ESRP1: variants seen among roughly 807,000 people sequenced by gnomAD.
The protein encoded by ESRP1 is epithelial splicing regulatory protein 1, also known as RNA-binding motif protein 35A.
Under a neutral mutation model 81.7 loss-of-function variants are expected in ESRP1, and 33 were observed. The ratio of observed to expected loss-of-function variants is 0.40; its 90% CI spans 0.31 to 0.54. The LOEUF is 0.54. Ranked by LOEUF, ESRP1 falls within the 20% of genes least tolerant of loss-of-function variation. The probability of loss-of-function intolerance (pLI) is 0.41; values close to 1 mark genes in which losing one functional copy is unlikely to be tolerated. For synonymous variants in ESRP1, 320 were observed against 303.3 expected, an observed-to-expected ratio of 1.06 and a Z score of -0.57; for missense variants, 672 against 833.1, an observed-to-expected ratio of 0.81 and a Z score of 2.38.
chr8:94,685,620 G>A (rs549265869), intron 13 of ESRP1, among the ~76,000 whole-genome samples: 4 of 151,954 alleles, frequency 2.6e-5, no homozygotes, highest in Non-Finnish European at 5.9e-5. Flanking sequence ...TGGCCAACGT[G>A]GCAAAACTCC....
At chr8:94,680,430 A>G (rs1448320895) in intron 13 of ESRP1, among the ~76,000 whole-genome samples, 1 of 152,106 alleles carries the variant, frequency 6.6e-6, no homozygotes, top group Admixed American at 6.6e-5. Flanking sequence ...GAAAAACATT[A>G]ATTTCTTTTT....
chr8:94,701,144 G>A, intron 15 of ESRP1, among the ~76,000 whole-genome samples: 1 of 151,792 alleles, frequency 6.6e-6, no homozygotes. Flanking sequence ...GTGTGGTGGT[G>A]TGTGCCTATA....
At chr8:94,701,849 A>G (rs929124699) in intron 15 of ESRP1, among the ~76,000 whole-genome samples, 2 of 152,198 alleles carry the variant, frequency 1.3e-5, no homozygotes, top group African/African-American at 2.4e-5. Context: ...ATGCCTGTGC[A>G]TGGAAGATTG....
chr8:94,705,156 CTTTTTTTTT>C (rs57801249), intron 15 of ESRP1, among the ~76,000 whole-genome samples: 42 of 90,524 alleles, frequency 4.6e-4, no homozygotes, highest in African/African-American at 5.7e-4. Flanking sequence ...TGCCTTATTG[CTTTTTTTTT>C]TTTTTTTTTT....
intron 14 of ESRP1, among the ~76,000 whole-genome samples, chr8:94,694,662 G>A (rs561427807): frequency 8.7e-4 from 132 of 152,234 alleles, no homozygotes; most frequent in South Asian, 1.5e-3. Flanking sequence ...CCATGCAATC[G>A]GGATTATTTC....
At chr8:94,675,009 GCAAAAACAAAAAA>G (rs1022456254) in intron 12 of ESRP1, among the ~76,000 whole-genome samples, 2 of 152,034 alleles carry the variant, frequency 1.3e-5, no homozygotes, top group African/African-American at 4.8e-5. Flanking sequence ...GAGCAAGTGA[GCAAAAACAAAAAA>G]CAAAAACAAA....
chr8:94,687,193 A>G (rs1268491927), intron 13 of ESRP1, among the ~76,000 whole-genome samples: 1 of 152,090 alleles, frequency 6.6e-6, no homozygotes, highest in Non-Finnish European at 1.5e-5. Context: ...CTAAACAACT[A>G]TCAATCCATT....
intron 4 of ESRP1, among the ~76,000 whole-genome samples, chr8:94,661,127 AC>A (rs1449326110): frequency 6.6e-6 from 1 of 151,884 alleles, no homozygotes; most frequent in Non-Finnish European, 1.5e-5. Context: ...TACAACCTCC[AC>A]CTCCCGGGTT....
At chr8:94,646,046 C>T in intron 3 of ESRP1, 122 bp from the exon 4 acceptor site, 1 of 500,958 alleles carries the variant, frequency 2.0e-6, no homozygotes, top group East Asian at 3.4e-5. Flanking sequence ...TCTACTTTTA[C>T]ATTAAATTTT....
chr8:94,694,764 CCATT>C (rs1216140202), intron 14 of ESRP1, among the ~76,000 whole-genome samples: 2 of 152,166 alleles, frequency 1.3e-5, no homozygotes, highest in African/African-American at 4.8e-5. Flanking sequence ...CTTCTTAGAA[CCATT>C]CAAGGTTGGA....
chr8:94,695,259 G>C (rs897610923), intron 14 of ESRP1, among the ~76,000 whole-genome samples: 10 of 147,098 alleles, frequency 6.8e-5, no homozygotes, highest in South Asian at 2.2e-4. Flanking sequence ...TTTACTTCTA[G>C]TTATTTTATA....
chr8:94,696,790 ATAT>A, intron 14 of ESRP1, 59 bp from the exon 15 acceptor site: 2 of 1,293,920 alleles, frequency 1.5e-6, no homozygotes, highest in Non-Finnish European at 2.1e-6. Flanking sequence ...TTTAGCTGAA[ATAT>A]TATCCATAGT....
At chr8:94,699,396 C>T (rs1174636649) in intron 15 of ESRP1, among the ~76,000 whole-genome samples, 3 of 152,058 alleles carry the variant, frequency 2.0e-5, no homozygotes, top group Non-Finnish European at 4.4e-5. Context: ...ATCACAGCAC[C>T]TGGGGAGACT....
At chr8:94,641,775 CGGGTGGG>C in intron 1 of ESRP1, 174 bp from the exon 2 acceptor site, 1 of 752,114 alleles carries the variant, frequency 1.3e-6, no homozygotes. Context: ...TCCGACCTAT[CGGGTGGG>C]GGGTGGGGCG....
At chr8:94,647,547 G>T (rs569736925) in intron 4 of ESRP1, among the ~76,000 whole-genome samples, 3 of 152,206 alleles carry the variant, frequency 2.0e-5, no homozygotes, top group South Asian at 4.2e-4. Flanking sequence ...CACCTTTTCT[G>T]GGGGGATAGC....
intron 15 of ESRP1, among the ~76,000 whole-genome samples, chr8:94,703,002 A>G (rs1426265477): frequency 6.6e-6 from 1 of 152,002 alleles, no homozygotes; most frequent in Non-Finnish European, 1.5e-5. Flanking sequence ...CACAGATCTT[A>G]TTTGAAAGGG....
At chr8:94,669,785 G>A (rs1215470427) in intron 10 of ESRP1, among the ~76,000 whole-genome samples, 4 of 150,198 alleles carry the variant, frequency 2.7e-5, no homozygotes, top group African/African-American at 7.4e-5. Context: ...CAGGAGAATC[G>A]CTTGAACCCG....
chr8:94,692,575 GT>G, intron 13 of ESRP1, 101 bp from the exon 14 acceptor site: 1 of 1,258,966 alleles, frequency 7.9e-7, no homozygotes, highest in East Asian at 2.4e-5. Context: ...TATAAGAAAG[GT>G]TGCCTTGAGA....
At chr8:94,658,567 G>A (rs1049010090) in intron 4 of ESRP1, among the ~76,000 whole-genome samples, 3 of 152,188 alleles carry the variant, frequency 2.0e-5, no homozygotes, top group Admixed American at 6.5e-5. Flanking sequence ...TCCTTATAGG[G>A]TGGTACCTGA....
Sources: allele counts gnomAD v4.1 joint callset (sites outside exome capture counted in the v4.1 genomes callset), GRCh38; gene constraint gnomAD v4.1.1; transcripts MANE v1.5; gene names NCBI Gene and HGNC (gene_info 2026-07-23, HGNC 2026-07-21).